Variants in ZNF746 observed in about 807,000 individuals in gnomAD.
ZNF746 encodes zinc finger protein 746.
In ZNF746, 13 loss-of-function variants were observed where a neutral mutation model predicts 41.0. The ratio of observed to expected loss-of-function variants is 0.32; its 90% CI spans 0.21 to 0.50. The LOEUF (loss-of-function observed/expected upper bound fraction) is 0.50, where lower values mean the gene tolerates loss of function less well. Ranked by LOEUF, ZNF746 falls within the 20% of genes least tolerant of loss-of-function variation. ZNF746 has a pLI of 0.98. For synonymous variants in ZNF746, 424 were observed against 396.2 expected, an observed-to-expected ratio of 1.07 and a Z score of -0.83; for missense variants, 811 against 922.9, an observed-to-expected ratio of 0.88 and a Z score of 1.57.
In ZNF746 at chr7:149,473,168, A is replaced by C. The variant is rs1361320745; in HGVS notation, c.*1216T>G. The C allele has an allele frequency of 6.6e-6, 1 of 152,044 alleles. No homozygotes were observed. Among genetic ancestry groups the C allele is most frequent in the East Asian group, 1.9e-4 (1 of 5,148 alleles). 9.4% of individuals were successfully genotyped at this position (152,044 alleles called of 1,614,324 possible). A position where few individuals can be genotyped will look rare whatever the true frequency, so the allele number is the denominator to read the frequency against. ...CGCGAGCTGTGCCCTCTGAGAGTGC[A>C]CACATTAAGGAGGCTGGGGCACAGG... On this transcript the variant is annotated 3_prime_UTR_variant, in exon 7 of 7. Coordinates refer to ENST00000458143, the MANE Select transcript of ZNF746 (RefSeq NM_001394198.1).
chr7:149,488,137 C>T (rs1339323451), intron 4 of ZNF746: 1 of 152,196 alleles, frequency 6.6e-6, no homozygotes, highest in Non-Finnish European at 1.5e-5. Context: ...CATCACAAAT[C>T]AGTGGAGAAA....
chr7:149,476,887 C>G lies in ZNF746; in HGVS notation c.883+35G>C. 4 of 1,613,370 alleles carry G rather than the reference C, an allele frequency of 2.5e-6. 1 individual carries two copies. The South Asian group carries it at 4.4e-5, about 18-fold the overall frequency. On this transcript the variant is annotated intron_variant, in intron 6 of 6. Coordinates refer to ENST00000458143, the MANE Select transcript of ZNF746 (RefSeq NM_001394198.1). ...GACCGAGGTACTCCCCACAGGCAAG[C>G]ATGGCCCTTCCCTTCCTCCTCTCGC... is the stretch of plus-strand genomic sequence containing the variant.
intron 4 of ZNF746, chr7:149,491,704 A>G: frequency 1.7e-6 from 1 of 586,596 alleles, no homozygotes; most frequent in East Asian, 2.8e-5. Flanking sequence ...CAAGTGGCGC[A>G]CAGGAGGGCC....
In ZNF746 at chr7:149,495,631, G is replaced by C. The variant is rs1466175448; in HGVS notation, c.25-1128C>G. ...CTGCAAAATAATTCCTCAACAAAAG[G>C]TTGGTGATTATTTCCAAAATGAAGA... On this transcript the variant is annotated intron_variant, in intron 1 of 6. Transcript: ENST00000458143. 2.0e-5 allele frequency among the ~76,000 whole-genome samples: 3 copies of C among 152,170 alleles called. No individual in the cohort carries two copies. In the East Asian group the frequency reaches 5.8e-4, roughly 29 times the overall value.
rs955557553 is a variant in ZNF746, at chr7:149,497,286, G to A, written c.24+227C>T. On this transcript the variant is annotated intron_variant, in intron 1 of 6. Transcript: ENST00000458143. This position sits in a 1 kb window ranked among gnomAD's most constrained non-coding sequence, Gnocchi z 4.2. ...AGAACTTGGCGTGGGGCGGCCCGGG[G>A]CGGGGACAACCGTTCCGCCAGCGCT... 4 of 985,146 alleles carry A rather than the reference G, an allele frequency of 4.1e-6. No homozygotes were observed. Among genetic ancestry groups the A allele is most frequent in the Non-Finnish European group, 4.8e-6 (4 of 829,810 alleles). The allele number at this position is 985,146 out of a possible 1,614,324, so 61.0% of individuals were successfully genotyped here.
chr7:149,473,358 A>G lies in ZNF746; in HGVS notation c.*1026T>C, dbSNP rs576255421. The G allele has an allele frequency of 7.2e-5, 11 of 152,310 alleles. No individual in the cohort carries two copies. Among genetic ancestry groups the G allele is most frequent in the African/African-American group, 2.6e-4 (11 of 41,566 alleles). 9.4% of individuals were successfully genotyped at this position (152,310 alleles called of 1,614,324 possible). ...CCTGTTGCTCTTCCCCACTCATGGC[A>G]CGCCACGTGTACCCACAGTGAGAGG... is the stretch of plus-strand genomic sequence containing the variant. On this transcript the variant is annotated 3_prime_UTR_variant, in exon 7 of 7. Transcript: ENST00000458143.
At chr7:149,496,443 A>ATT (rs1458802883) in intron 1 of ZNF746, among the ~76,000 whole-genome samples, 2 of 152,202 alleles carry the variant, frequency 1.3e-5, no homozygotes, top group East Asian at 3.9e-4. Context: ...CGGATCCCTC[A>ATT]TCCACTGCCC....
At chr7:149,478,682 G>A (rs1401537514) in intron 4 of ZNF746, among the ~76,000 whole-genome samples, 1 of 152,180 alleles carries the variant, frequency 6.6e-6, no homozygotes, top group Non-Finnish European at 1.5e-5. Flanking sequence ...GGCCATGAGA[G>A]TCATGGCAGA....
chr7:149,491,997 T>C (rs1434894758), intron 4 of ZNF746: 3 of 702,986 alleles, frequency 4.3e-6, no homozygotes, highest in Middle Eastern at 2.3e-4. Flanking sequence ...CTTCTAATAA[T>C]ACCAAACCAT....
intron 4 of ZNF746, among the ~76,000 whole-genome samples, chr7:149,485,507 G>C (rs1191343939): frequency 2.0e-5 from 3 of 152,204 alleles, no homozygotes; most frequent in African/African-American, 7.2e-5. Flanking sequence ...GAACATGAAA[G>C]ACGAACTCTG....
In ZNF746 at chr7:149,497,319, G is replaced by A; in HGVS notation, c.24+194C>T. The A allele has an allele frequency of 1.0e-6, 1 of 984,792 alleles. No individual in the cohort carries two copies. 61.0% of individuals were successfully genotyped at this position (984,792 alleles called of 1,614,324 possible). A position where few individuals can be genotyped will look rare whatever the true frequency, so the allele number is the denominator to read the frequency against. Reference sequence around the variant, plus strand: ...AACCGTTCCGCCAGCGCTCGGGTTCGGCTCGGAGTGGGGGCCCGGCCGACG... The same window carrying A: ...AACCGTTCCGCCAGCGCTCGGGTTCAGCTCGGAGTGGGGGCCCGGCCGACG... On this transcript the variant is annotated intron_variant, in intron 1 of 6. Transcript: ENST00000458143. This position sits in a 1 kb window ranked among gnomAD's most constrained non-coding sequence, Gnocchi z 4.2.
intron 6 of ZNF746, 82 bp from the exon 7 acceptor site, chr7:149,475,565 A>G: frequency 1.3e-6 from 2 of 1,528,842 alleles, no homozygotes; most frequent in Non-Finnish European, 1.8e-6. Flanking sequence ...CCTGCTCAGC[A>G]GCTGCCTGGC....
chr7:149,488,651 G>T (rs1800697446), intron 4 of ZNF746: 1 of 152,176 alleles, frequency 6.6e-6, no homozygotes, highest in Non-Finnish European at 1.5e-5. Flanking sequence ...TGAAACGAGA[G>T]GCCATCTCAC....
At chr7:149,495,779 C>T (rs1314279437) in intron 1 of ZNF746, among the ~76,000 whole-genome samples, 4 of 152,172 alleles carry the variant, frequency 2.6e-5, no homozygotes, top group South Asian at 4.1e-4. Flanking sequence ...ACAAACTTGT[C>T]TAGGACAGTG....
chr7:149,491,412 C>T (rs1463227295), intron 4 of ZNF746: 2 of 161,260 alleles, frequency 1.2e-5, no homozygotes, highest in Non-Finnish European at 2.7e-5. Flanking sequence ...AACCCACCCA[C>T]CCAGAACCTC....
chr7:149,491,449 C>T lies in ZNF746; in HGVS notation c.565+1410G>A, dbSNP rs561392694. ...CACCCAGGCTAGGAAGCTGGGGACG[C>T]GCACGGGTTGTAACCCTCTTTTCCA... On this transcript the variant is annotated intron_variant, in intron 4 of 6. Coordinates refer to ENST00000458143, the MANE Select transcript of ZNF746 (RefSeq NM_001394198.1). The T allele has an allele frequency of 6.5e-4, 105 of 161,642 alleles. 1 individual carries two copies. Among genetic ancestry groups the T allele is most frequent in the African/African-American group, 2.4e-3 (101 of 41,774 alleles). 10.0% of individuals were successfully genotyped at this position (161,642 alleles called of 1,614,324 possible).
At chr7:149,484,007 C>G (rs1272431079) in intron 4 of ZNF746, among the ~76,000 whole-genome samples, 3 of 152,100 alleles carry the variant, frequency 2.0e-5, no homozygotes, top group Non-Finnish European at 4.4e-5. Context: ...CCTGCCAAAA[C>G]TAAAGAAGAA....
At chr7:149,484,440 A>G (rs1800564897) in intron 4 of ZNF746, among the ~76,000 whole-genome samples, 2 of 152,220 alleles carry the variant, frequency 1.3e-5, no homozygotes, top group Admixed American at 1.3e-4. Flanking sequence ...TAATCATCTC[A>G]ATGGATACCA....
chr7:149,486,194 C>T (rs1800616535), intron 4 of ZNF746, among the ~76,000 whole-genome samples: 1 of 152,114 alleles, frequency 6.6e-6, no homozygotes, highest in Non-Finnish European at 1.5e-5. Context: ...TTCACTCCCA[C>T]CAAACGGGCA....
Sources: gnomAD v4.1 joint callset for allele counts (sites outside exome capture counted in the v4.1 genomes callset) on GRCh38, gnomAD v4.1.1 for gene constraint, Gnocchi (gnomAD v3.1) non-coding constraint, MANE v1.5 for transcripts, NCBI Gene and HGNC (gene_info 2026-07-23, HGNC 2026-07-21) for gene names.